UHMK1: variants seen among roughly 807,000 people sequenced by gnomAD.
UHMK1 encodes the protein U2AF homology motif kinase 1, also known as serine/threonine-protein kinase Kist.
Under a neutral mutation model 44.0 loss-of-function variants are expected in UHMK1, and 18 were observed. That is an observed-to-expected ratio of 0.41 (90% CI 0.28 to 0.61). The LOEUF (loss-of-function observed/expected upper bound fraction) is 0.61, where lower values mean the gene tolerates loss of function less well. Among genes scored for constraint, UHMK1 ranks in the 20% least tolerant of loss-of-function variants. UHMK1 has a pLI of 0.31. For missense variants in UHMK1, 463 were observed against 522.5 expected, an observed-to-expected ratio of 0.89 and a Z score of 1.11; for synonymous variants, 231 against 198.5, an observed-to-expected ratio of 1.16 and a Z score of -1.38.
intron 6 of UHMK1, 102 bp from the exon 7 acceptor site, chr1:162,518,000 C>A: frequency 1.4e-6 from 1 of 708,848 alleles, no homozygotes; most frequent in South Asian, 1.9e-5. Flanking sequence ...GACCTCATTA[C>A]TAGTTATGTA....
At chr1:162,498,438 G>T (rs576526994) in intron 1 of UHMK1, among the ~76,000 whole-genome samples, 170 bp downstream of exon 1, 1 of 152,322 alleles carries the variant, frequency 6.6e-6, no homozygotes, top group South Asian at 2.1e-4. Flanking sequence ...ACTGTCTGCG[G>T]TATAGTGGAG....
intron 4 of UHMK1, among the ~76,000 whole-genome samples, chr1:162,505,189 A>G (rs1450207588): frequency 6.7e-6 from 1 of 148,430 alleles, no homozygotes; most frequent in African/African-American, 2.5e-5. Flanking sequence ...ACTGAGACAC[A>G]AGCACACCTT....
In UHMK1 at chr1:162,497,951, T is replaced by G; in HGVS notation, c.-50T>G. 1 of 1,441,868 alleles carries G rather than the reference T, an allele frequency of 6.9e-7. No individual in the cohort carries two copies. The allele number at this position is 1,441,868 out of a possible 1,614,324, so 89.3% of individuals were successfully genotyped here. ...GATGTGACCGCGGGCCCGGCCGGCCTGCCTCAGGCGTCGCGTCAGCTCCCG... is the reference window on the plus strand; with the variant it reads ...GATGTGACCGCGGGCCCGGCCGGCCGGCCTCAGGCGTCGCGTCAGCTCCCG... On this transcript the variant is annotated 5_prime_UTR_variant, in exon 1 of 8. Coordinates refer to ENST00000489294, the MANE Select transcript of UHMK1 (RefSeq NM_175866.5).
rs1652105069 is a variant in UHMK1 at position 162,522,746 on chromosome 1, T to C, written c.*196T>C. ...ACTGAGTAGGACAAGACCTCTCAGC[T>C]ATACATTGAGGGGTTTTAGAGCATC... On this transcript the variant is annotated 3_prime_UTR_variant, in exon 8 of 8. Coordinates refer to ENST00000489294, the MANE Select transcript of UHMK1 (RefSeq NM_175866.5). 1.8e-6 allele frequency: 1 copy of C among 557,054 alleles called. No homozygotes were observed. The highest frequency in any genetic ancestry group is 1.9e-5 in the African/African-American group (1 of 52,950). The allele number at this position is 557,054 out of a possible 1,614,324, so 34.5% of individuals were successfully genotyped here.
intron 6 of UHMK1, among the ~76,000 whole-genome samples, chr1:162,516,865 G>A (rs897989890): frequency 1.3e-5 from 2 of 152,168 alleles, no homozygotes; most frequent in Non-Finnish European, 2.9e-5. Flanking sequence ...CCTCTTGTGG[G>A]TAAGGGTATA....
intron 4 of UHMK1, among the ~76,000 whole-genome samples, chr1:162,511,964 A>G (rs1322708414): frequency 2.0e-5 from 3 of 152,098 alleles, no homozygotes; most frequent in East Asian, 3.9e-4. Flanking sequence ...TTTCATATCA[A>G]TACCATGCTG....
At chr1:162,506,236 C>A (rs1193773789) in intron 4 of UHMK1, among the ~76,000 whole-genome samples, 2 of 91,160 alleles carry the variant, frequency 2.2e-5, no homozygotes, top group Non-Finnish European at 4.6e-5. Context: ...CCCCCCCCCC[C>A]ACCATTTTAC....
chr1:162,497,906 C>G lies in UHMK1; in HGVS notation c.-95C>G. On this transcript the variant is annotated 5_prime_UTR_variant, in exon 1 of 8. Coordinates refer to ENST00000489294, the MANE Select transcript of UHMK1 (RefSeq NM_175866.5). ...CGGCTGCAGGTCCCTCCCTGCGGAG[C>G]CGCTGGTCCGGCTGGCGGAGATGTG... The G allele has an allele frequency of 7.0e-7, 1 of 1,428,378 alleles. No individual in the cohort carries two copies. The highest frequency in any genetic ancestry group is 2.8e-5 in the Admixed American group (1 of 35,686). The allele number at this position is 1,428,378 out of a possible 1,614,324, so 88.5% of individuals were successfully genotyped here.
In UHMK1 at chr1:162,525,916, G is replaced by A. The variant is rs1266670646; in HGVS notation, c.*3366G>A. 6.6e-6 allele frequency: 1 copy of A among 152,134 alleles called. No homozygotes were observed. Among genetic ancestry groups the A allele is most frequent in the South Asian group, 2.1e-4 (1 of 4,824 alleles). The allele number at this position is 152,134 out of a possible 1,614,324, so 9.4% of individuals were successfully genotyped here. Reference sequence around the variant, plus strand: ...AGATATGTTAAATTATTTTTTAAAAGAAAATCTCCAAATACTTATTTAACT... The same window carrying A: ...AGATATGTTAAATTATTTTTTAAAAAAAAATCTCCAAATACTTATTTAACT... On this transcript the variant is annotated 3_prime_UTR_variant, in exon 8 of 8. Transcript: ENST00000489294.
In UHMK1 at chr1:162,528,667, A is replaced by C. The variant is rs1652335694; in HGVS notation, c.*6117A>C. Reference sequence around the variant, plus strand: ...TTATGGAAATAAGTATGTTTATTATAATAAAAAAAAGTTAAGCTGCATCTC... The same window carrying C: ...TTATGGAAATAAGTATGTTTATTATCATAAAAAAAAGTTAAGCTGCATCTC... On this transcript the variant is annotated 3_prime_UTR_variant, in exon 8 of 8. Transcript: ENST00000489294. The C allele has an allele frequency of 8.3e-6, 1 of 120,796 alleles. No individual in the cohort carries two copies. The highest frequency in any genetic ancestry group is 2.9e-5 in the African/African-American group (1 of 34,402). The allele number at this position is 120,796 out of a possible 1,614,324, so 7.5% of individuals were successfully genotyped here. A position where few individuals can be genotyped will look rare whatever the true frequency, so the allele number is the denominator to read the frequency against.
chr1:162,497,678 A>G (rs1651096238), upstream of UHMK1: 3 of 775,832 alleles, frequency 3.9e-6, no homozygotes, highest in Admixed American at 4.2e-5. Flanking sequence ...GGAATGGTAG[A>G]TACTCAATAA....
Position 162,516,045 on chromosome 1 carries a change from A to G in UHMK1, c.1025-2057A>G, listed in dbSNP as rs377468195. Among the ~76,000 whole-genome samples, 19 of 151,956 alleles carry G rather than the reference A, an allele frequency of 1.3e-4. No homozygotes were observed. In the East Asian group the frequency reaches 1.9e-3, roughly 16 times the overall value. On this transcript the variant is annotated intron_variant, in intron 6 of 7. Transcript: ENST00000489294. ...CGAGACTCCGTCTCAAAAAAAAAAA[A>G]CAACAAAACTGAAGCTTGGCCTGTT...
Position 162,528,013 on chromosome 1 carries a change from T to C in UHMK1, c.*5463T>C, listed in dbSNP as rs2101691796. On this transcript the variant is annotated 3_prime_UTR_variant, in exon 8 of 8. Coordinates refer to ENST00000489294, the MANE Select transcript of UHMK1 (RefSeq NM_175866.5). ...GCCCTTACTATCAACAAGATAATTA[T>C]TTGTAATCACTTTTTTATCCCAGGT... 6.6e-6 allele frequency: 1 copy of C among 152,122 alleles called. No homozygotes were observed. Among genetic ancestry groups the C allele is most frequent in the South Asian group, 2.1e-4 (1 of 4,826 alleles). 9.4% of individuals were successfully genotyped at this position (152,122 alleles called of 1,614,324 possible).
At chr1:162,512,990 T>G (rs1274440957) in intron 6 of UHMK1, 167 bp downstream of exon 6, 1 of 679,276 alleles carries the variant, frequency 1.5e-6, no homozygotes, top group Non-Finnish European at 2.3e-6. Context: ...TTCACTCTTG[T>G]TGCCCAGGCT....
intron 2 of UHMK1, 108 bp downstream of exon 2, chr1:162,500,355 C>T: frequency 7.8e-7 from 1 of 1,283,038 alleles, no homozygotes; most frequent in Non-Finnish European, 1.0e-6. Flanking sequence ...GTCATTTTAA[C>T]CTAAATTACT....
chr1:162,503,774 T>C lies in UHMK1; in HGVS notation c.774T>C (p.Ile258=), dbSNP rs1228875306. 6.2e-7 allele frequency: 1 copy of C among 1,613,998 alleles called. No homozygotes were observed. The highest frequency in any genetic ancestry group is 2.2e-5 in the East Asian group (1 of 44,892). Reference sequence around the variant, plus strand: ...TTAAGGCAAACAGTTCTGCTATTATTGATCACATATTTGCCAGTAAAGCAG... The same window carrying C: ...TTAAGGCAAACAGTTCTGCTATTATCGATCACATATTTGCCAGTAAAGCAG... The part of the protein sequence containing the change: ...QEWKANSSAI[I]DHIFASKAVV... The change falls in exon 4 of 8, where the codon ATT becomes ATC. Residue 258 remains isoleucine (I), a synonymous_variant. Transcript: ENST00000489294.
rs1004730459 is a variant in UHMK1, at chr1:162,528,799, C to T, written c.*6249C>T. 1.3e-5 allele frequency: 2 copies of T among 152,018 alleles called. No individual in the cohort carries two copies. The highest frequency in any genetic ancestry group is 1.3e-4 in the Admixed American group (2 of 15,262). The allele number at this position is 152,018 out of a possible 1,614,324, so 9.4% of individuals were successfully genotyped here. A position where few individuals can be genotyped will look rare whatever the true frequency, so the allele number is the denominator to read the frequency against. ...GAAATATCTTAAATAATTTAACATT[C>T]CTTTATAACTTCTTAACAGTGTCAA... On this transcript the variant is annotated 3_prime_UTR_variant, in exon 8 of 8. Transcript: ENST00000489294.
intron 1 of UHMK1, among the ~76,000 whole-genome samples, chr1:162,499,282 T>G: frequency 6.6e-6 from 1 of 152,068 alleles, no homozygotes; most frequent in East Asian, 1.9e-4. Flanking sequence ...AAAGCCATGC[T>G]CCTACCTCAG....
chr1:162,507,771 A>G (rs1341109158), intron 4 of UHMK1, among the ~76,000 whole-genome samples: 1 of 151,590 alleles, frequency 6.6e-6, no homozygotes, highest in Non-Finnish European at 1.5e-5. Context: ...TATTTTTAGT[A>G]GAGACAGGGT....
Sources: gnomAD v4.1 joint callset for allele counts (sites outside exome capture counted in the v4.1 genomes callset) on GRCh38, gnomAD v4.1.1 for gene constraint, MANE v1.5 for transcripts, NCBI Gene and HGNC (gene_info 2026-07-23, HGNC 2026-07-21) for gene names.